LY86: variants seen among roughly 807,000 people sequenced by gnomAD.
LY86 encodes the protein MD-1, RP105-associated.
LY86 carries 20 observed loss-of-function variants against 17.3 expected under a neutral mutation model. That is an observed-to-expected ratio of 1.15 (90% CI 0.81 to 1.68). The LOEUF (loss-of-function observed/expected upper bound fraction) is 1.68. Among genes scored for constraint, LY86 ranks in the 40% most tolerant of loss-of-function variants. The pLI is 0.00. For synonymous variants in LY86, 74 were observed against 70.6 expected, an observed-to-expected ratio of 1.05 and a Z score of -0.24; for missense variants, 200 against 191.9, an observed-to-expected ratio of 1.04 and a Z score of -0.25.
intron 3 of LY86, among the ~76,000 whole-genome samples, chr6:6,637,540 T>C (rs1298679065): frequency 6.6e-6 from 1 of 152,208 alleles, no homozygotes; most frequent in Non-Finnish European, 1.5e-5. Flanking sequence ...TGGAATTTCA[T>C]AAATCCAGCT....
In LY86 at chr6:6,593,912, A is replaced by G. The variant is rs145014231; in HGVS notation, c.136+5042A>G. Among the ~76,000 whole-genome samples the G allele has an allele frequency of 6.8e-4, 104 of 152,370 alleles. 1 individual carries two copies. Among genetic ancestry groups the G allele is most frequent in the African/African-American group, 2.5e-3 (104 of 41,586 alleles). On this transcript the variant is annotated intron_variant, in intron 1 of 4. Coordinates refer to ENST00000230568, the MANE Select transcript of LY86 (RefSeq NM_004271.4). ...AGGCAGAATCCTCCATGAATATAGC[A>G]TACAGCAATCACAGGTCAGCCTTCT...
intron 1 of LY86, among the ~76,000 whole-genome samples, chr6:6,603,380 C>T (rs188670294): frequency 3.6e-4 from 55 of 151,990 alleles, no homozygotes; most frequent in African/African-American, 1.3e-3. Flanking sequence ...AAAAATTACC[C>T]ACACATCTAA....
intron 1 of LY86, among the ~76,000 whole-genome samples, chr6:6,613,207 G>T (rs1326855620): frequency 1.3e-5 from 2 of 149,896 alleles, no homozygotes; most frequent in African/African-American, 2.5e-5. Flanking sequence ...GAGCCCAGCT[G>T]GCTTCACCCA....
intron 1 of LY86, among the ~76,000 whole-genome samples, chr6:6,610,534 C>T (rs577005212): frequency 1.6e-4 from 23 of 145,476 alleles, no homozygotes; most frequent in African/African-American, 5.6e-4. Context: ...AGTGAAGAAA[C>T]GGAAGCTTAG....
chr6:6,601,587 G>A (rs1272440042), intron 1 of LY86, among the ~76,000 whole-genome samples: 1 of 152,142 alleles, frequency 6.6e-6, no homozygotes, highest in Non-Finnish European at 1.5e-5. Context: ...AGGCGCAGTG[G>A]TGGGCACCTG....
At chr6:6,636,777 A>G (rs1051987874) in intron 3 of LY86, among the ~76,000 whole-genome samples, 5 of 151,924 alleles carry the variant, frequency 3.3e-5, no homozygotes, top group Admixed American at 6.6e-5. Flanking sequence ...CCAGACTTCA[A>G]TGGTAGATTT....
At chr6:6,612,439 C>T (rs1015708398) in intron 1 of LY86, among the ~76,000 whole-genome samples, 14 of 152,190 alleles carry the variant, frequency 9.2e-5, no homozygotes, top group African/African-American at 2.2e-4. Flanking sequence ...AACCGCAAAC[C>T]TTCATGGGGA....
At chr6:6,605,682 T>C (rs761733317) in intron 1 of LY86, among the ~76,000 whole-genome samples, 11 of 152,364 alleles carry the variant, frequency 7.2e-5, no homozygotes, top group Admixed American at 1.3e-4. Flanking sequence ...GTTCTTCATC[T>C]CACGGACTTA....
intron 4 of LY86, among the ~76,000 whole-genome samples, chr6:6,654,073 C>T (rs974914047): frequency 1.4e-5 from 2 of 147,026 alleles, no homozygotes; most frequent in African/African-American, 5.1e-5. Context: ...TCCTGTGTTG[C>T]CCTTACCTCA....
intron 1 of LY86, among the ~76,000 whole-genome samples, chr6:6,604,131 T>C (rs1761015491): frequency 6.6e-6 from 1 of 152,172 alleles, no homozygotes. Flanking sequence ...ATATTAATTA[T>C]CTCTATGGGG....
chr6:6,606,780 C>T (rs1761172442), intron 1 of LY86, among the ~76,000 whole-genome samples: 1 of 152,060 alleles, frequency 6.6e-6, no homozygotes, highest in African/African-American at 2.4e-5. Flanking sequence ...GCGCCGCGCG[C>T]AGCCCGGGTT....
At chr6:6,643,276 C>T (rs778354194) in intron 3 of LY86, among the ~76,000 whole-genome samples, 3 of 152,066 alleles carry the variant, frequency 2.0e-5, no homozygotes, top group Non-Finnish European at 4.4e-5. Context: ...AAAACAACAG[C>T]GACAGATGAA....
At chr6:6,638,210 A>G (rs9392817) in intron 3 of LY86, among the ~76,000 whole-genome samples, 49,369 of 152,152 alleles carry the variant, frequency 0.32, 8,186 homozygotes, top group Middle Eastern at 0.43. Context: ...TTGAAGACTT[A>G]GTACAAAGTA....
At chr6:6,591,950 G>A (rs1169634531) in intron 1 of LY86, among the ~76,000 whole-genome samples, 1 of 152,198 alleles carries the variant, frequency 6.6e-6, no homozygotes, top group Non-Finnish European at 1.5e-5. Context: ...GAAAGAGGAA[G>A]TGGAAGACAT....
rs369378893 is a variant in LY86 at position 6,619,541 on chromosome 6, G to A, written c.137-5385G>A. On this transcript the variant is annotated intron_variant, in intron 1 of 4. Transcript: ENST00000230568. ...CTGTTTGCTAGAGGCAGTCTTGCCA[G>A]TGCAGCTAAGCTGCCTGTGGCTGGT... Among the ~76,000 whole-genome samples, 23 of 152,362 alleles carry A rather than the reference G, an allele frequency of 1.5e-4. No individual in the cohort carries two copies. In the East Asian group the frequency reaches 3.9e-3, roughly 26 times the overall value.
intron 1 of LY86, among the ~76,000 whole-genome samples, chr6:6,589,593 C>T (rs7751507): frequency 0.73 from 111,529 of 152,088 alleles, 40,931 homozygotes; most frequent in East Asian, 0.86. Context: ...CATAACAAAC[C>T]ACCACAGGCT....
At chr6:6,595,251 A>G (rs1021633904) in intron 1 of LY86, among the ~76,000 whole-genome samples, 2 of 148,798 alleles carry the variant, frequency 1.3e-5, no homozygotes, top group Non-Finnish European at 3.0e-5. Context: ...AGAGAACAAG[A>G]AGGAGGGAAG....
intron 3 of LY86, among the ~76,000 whole-genome samples, chr6:6,645,923 T>C (rs759021786): frequency 1.1e-4 from 16 of 152,142 alleles, no homozygotes; most frequent in Non-Finnish European, 1.8e-4. Flanking sequence ...TGATGAGTTC[T>C]GCTTCTCTTG....
At chr6:6,634,565 G>A (rs1180765596) in intron 3 of LY86, among the ~76,000 whole-genome samples, 4 of 152,218 alleles carry the variant, frequency 2.6e-5, no homozygotes, top group African/African-American at 9.6e-5. Flanking sequence ...CACGGTGGGT[G>A]CTTGTGGTTA....
Sources: allele counts gnomAD v4.1 joint callset (sites outside exome capture counted in the v4.1 genomes callset), GRCh38; gene constraint gnomAD v4.1.1; transcripts MANE v1.5; gene names NCBI Gene and HGNC (gene_info 2026-07-23, HGNC 2026-07-21).